Variants in KCNJ6 observed in about 807,000 individuals in gnomAD.
KCNJ6 encodes G protein-activated inward rectifier potassium channel 2.
KCNJ6 carries 9 observed loss-of-function variants against 34.2 expected under a neutral mutation model. The observed-to-expected ratio is 0.26, with a 90% CI of 0.16 to 0.46. KCNJ6 has a LOEUF of 0.46. KCNJ6 is among the 20% of genes least tolerant of loss of function. The probability of loss-of-function intolerance (pLI) is 1.00; values close to 1 mark genes in which losing one functional copy is unlikely to be tolerated. For missense variants in KCNJ6, 236 were observed against 531.3 expected (o/e 0.44, Z 5.46); for synonymous variants, 196 against 207.1 (o/e 0.95, Z 0.46).
At chr21:37,815,736 C>T (rs748516367) in intron 2 of KCNJ6, among the ~76,000 whole-genome samples, 3 of 152,150 alleles carry the variant, frequency 2.0e-5, no homozygotes, top group African/African-American at 4.8e-5. Flanking sequence ...GGCTCAGACT[C>T]GAAGGAGCAG....
At chr21:37,687,157 A>C (rs866264652) in intron 3 of KCNJ6, among the ~76,000 whole-genome samples, 26 of 152,004 alleles carry the variant, frequency 1.7e-4, no homozygotes, top group African/African-American at 5.6e-4. Flanking sequence ...ACTGCATGAC[A>C]GGCGCCTCTT....
intron 2 of KCNJ6, among the ~76,000 whole-genome samples, chr21:37,754,297 G>T (rs1392241062): frequency 1.3e-5 from 2 of 152,172 alleles, no homozygotes; most frequent in Non-Finnish European, 2.9e-5. Flanking sequence ...CTCAAGTGCC[G>T]CTTGCTTGAG....
intron 3 of KCNJ6, among the ~76,000 whole-genome samples, chr21:37,687,714 T>G (rs1357812226): frequency 4.6e-5 from 7 of 152,236 alleles, no homozygotes; most frequent in African/African-American, 9.6e-5. Context: ...CAGTCAGCTC[T>G]GAGCTTGTTA....
chr21:37,833,829 CAA>C (rs1367924531), intron 2 of KCNJ6, among the ~76,000 whole-genome samples: 1 of 152,168 alleles, frequency 6.6e-6, no homozygotes, highest in Non-Finnish European at 1.5e-5. Context: ...AAAATAACTC[CAA>C]ACAACTGAAG....
At position 37,818,444 on chromosome 21, in the gene KCNJ6, A is replaced by G. The variant is rs75681173; in HGVS notation, c.25+22214T>C. ...TTTTATAACACAATGCCCATTCCTA[A>G]TCAGCTAGCGGCACCCGAATGATGA... On this transcript the variant is annotated intron_variant, in intron 2 of 3. Coordinates refer to ENST00000609713, the MANE Select transcript of KCNJ6 (RefSeq NM_002240.5). Among the ~76,000 whole-genome samples the G allele has an allele frequency of 5.5e-3, 826 of 151,020 alleles. 9 individuals are homozygous for G. The highest frequency in any genetic ancestry group is 0.019 in the African/African-American group (785 of 40,888).
chr21:37,786,523 C>T (rs2055193333), intron 2 of KCNJ6, among the ~76,000 whole-genome samples: 1 of 152,204 alleles, frequency 6.6e-6, no homozygotes, highest in Non-Finnish European at 1.5e-5. Flanking sequence ...CTGTCGTGTG[C>T]CCCACAATTC....
intron 2 of KCNJ6, among the ~76,000 whole-genome samples, chr21:37,749,229 G>C (rs1169794420): frequency 6.6e-6 from 1 of 152,156 alleles, no homozygotes; most frequent in Non-Finnish European, 1.5e-5. Flanking sequence ...GGGCATCTTT[G>C]CTCAGAGGGG....
At chr21:37,854,477 ACCAGAAG>A (rs2055554653) in intron 1 of KCNJ6, among the ~76,000 whole-genome samples, 1 of 152,206 alleles carries the variant, frequency 6.6e-6, no homozygotes, top group Non-Finnish European at 1.5e-5. Flanking sequence ...TAGAACGGTA[ACCAGAAG>A]CCTGGAAGGA....
intron 3 of KCNJ6, among the ~76,000 whole-genome samples, chr21:37,674,612 C>A (rs577943656): frequency 6.6e-6 from 1 of 151,212 alleles, no homozygotes; most frequent in Admixed American, 6.6e-5. Context: ...ACACTCTCTC[C>A]CTGATACCCA....
At chr21:37,646,599 C>G (rs1001891873) in intron 3 of KCNJ6, among the ~76,000 whole-genome samples, 1 of 152,216 alleles carries the variant, frequency 6.6e-6, no homozygotes, top group Admixed American at 6.5e-5. Context: ...CGATGTTCAG[C>G]AGAGCCAGAG....
At chr21:37,663,419 C>G (rs1000977532) in intron 3 of KCNJ6, among the ~76,000 whole-genome samples, 1 of 151,726 alleles carries the variant, frequency 6.6e-6, no homozygotes, top group Non-Finnish European at 1.5e-5. Context: ...TCTTAGAGCA[C>G]TCAGCTAATT....
At chr21:37,873,472 T>C (rs2055662517) in intron 1 of KCNJ6, among the ~76,000 whole-genome samples, 1 of 152,150 alleles carries the variant, frequency 6.6e-6, no homozygotes, top group African/African-American at 2.4e-5. Flanking sequence ...GCAGTCAGTG[T>C]ACCTAACCGT....
chr21:37,896,050 G>T (rs143289027), intron 1 of KCNJ6, among the ~76,000 whole-genome samples: 1 of 152,158 alleles, frequency 6.6e-6, no homozygotes, highest in Non-Finnish European at 1.5e-5. Context: ...TGGCATTTGC[G>T]GCCTCTGGGG....
chr21:37,879,714 AGT>A (rs56736533), intron 1 of KCNJ6, among the ~76,000 whole-genome samples: 22,421 of 143,058 alleles, frequency 0.16, 1,759 homozygotes, highest in African/African-American at 0.2. Flanking sequence ...CTTGAAATGA[AGT>A]GTGTGTGTGT....
chr21:37,854,481 GA>G (rs2055554664), intron 1 of KCNJ6, among the ~76,000 whole-genome samples: 1 of 152,148 alleles, frequency 6.6e-6, no homozygotes, highest in Non-Finnish European at 1.5e-5. Context: ...ACGGTAACCA[GA>G]AGCCTGGAAG....
rs2054711370 is a variant in KCNJ6 at position 37,704,872 on chromosome 21, CGCACTTTGGGTTACACTTGGTT to C, written c.946+9317_946+9338del. 2.6e-5 allele frequency among the ~76,000 whole-genome samples: 4 copies of C among 152,074 alleles called. No homozygotes were observed. In the South Asian group the frequency reaches 8.3e-4, roughly 32 times the overall value. On this transcript the variant is annotated intron_variant, in intron 3 of 3. Transcript: ENST00000609713. ...CTCCCTTAAGGGTTTGTCAGCTGGC[CGCACTTTGGGTTACACTTGGTT>C]GCACTTTGGGTTATACTTGGCACGG...
At chr21:37,836,837 CTG>C (rs2055454102) in intron 2 of KCNJ6, among the ~76,000 whole-genome samples, 5 of 152,046 alleles carry the variant, frequency 3.3e-5, no homozygotes, top group Admixed American at 3.3e-4. Context: ...GTGTATACCT[CTG>C]TAACAAATCT....
rs186810703 is a variant in KCNJ6, at chr21:37,774,455, C to T, written c.26-59324G>A. 1.8e-4 allele frequency among the ~76,000 whole-genome samples: 27 copies of T among 152,118 alleles called. No homozygotes were observed. The East Asian group carries it at 4.8e-3, about 27-fold the overall frequency. The stretch of plus-strand genomic sequence containing the variant: ...TGTTGGTGCGCTGCACCCATTAACT[C>T]GACATTTAACATTAGGTATATCTCC... On this transcript the variant is annotated intron_variant, in intron 2 of 3. Coordinates refer to ENST00000609713, the MANE Select transcript of KCNJ6 (RefSeq NM_002240.5).
Position 37,826,765 on chromosome 21 carries a change from A to C in KCNJ6, c.25+13893T>G, listed in dbSNP as rs138168037. 3.0e-4 allele frequency among the ~76,000 whole-genome samples: 45 copies of C among 152,320 alleles called. 2 individuals carry two copies. In the East Asian group the frequency reaches 7.5e-3, roughly 25 times the overall value. Reference sequence around the variant, plus strand: ...CCAAATCTGACAAGAGAAAATAATGAGAAAACCTCCATGGGAGAGATTAGA... The same window carrying C: ...CCAAATCTGACAAGAGAAAATAATGCGAAAACCTCCATGGGAGAGATTAGA... On this transcript the variant is annotated intron_variant, in intron 2 of 3. Coordinates refer to ENST00000609713, the MANE Select transcript of KCNJ6 (RefSeq NM_002240.5).
Sources: gnomAD v4.1 joint callset for allele counts (sites outside exome capture counted in the v4.1 genomes callset) on GRCh38, gnomAD v4.1.1 for gene constraint, MANE v1.5 for transcripts, NCBI Gene and HGNC (gene_info 2026-07-23, HGNC 2026-07-21) for gene names.